The following GRM7 variants were observed in gnomAD, a reference collection of about 807,000 sequenced individuals.
GRM7 encodes the protein glutamate metabotropic receptor 7, also known as metabotropic glutamate receptor 7.
Under a neutral mutation model 84.5 loss-of-function variants are expected in GRM7, and 35 were observed. The ratio of observed to expected loss-of-function variants is 0.41; its 90% confidence interval spans 0.32 to 0.55. GRM7 has a LOEUF of 0.55. Ranked by LOEUF, GRM7 falls within the 20% of genes least tolerant of loss-of-function variation. GRM7 has a pLI of 0.19. For missense variants in GRM7, 1,003 were observed against 1,194.6 expected (o/e 0.84, Z 2.36); for synonymous variants, 487 against 455.1 (o/e 1.07, Z -0.89).
intron 1 of GRM7, among the ~76,000 whole-genome samples, chr3:7,139,907 A>T (rs1693893036): frequency 6.6e-6 from 1 of 152,056 alleles, no homozygotes; most frequent in Admixed American, 6.6e-5. Context: ...AATATTTGGA[A>T]ACCAGTATCT....
At chr3:7,559,763 C>T (rs1488518430) in intron 7 of GRM7, among the ~76,000 whole-genome samples, 1 of 152,126 alleles carries the variant, frequency 6.6e-6, no homozygotes, top group Non-Finnish European at 1.5e-5. Flanking sequence ...ATACCTCCGA[C>T]TGGGTGACTT....
chr3:7,538,480 A>T (rs988797344), intron 7 of GRM7, among the ~76,000 whole-genome samples: 1 of 152,214 alleles, frequency 6.6e-6, no homozygotes, highest in East Asian at 1.9e-4. Flanking sequence ...CCTGGGCTAC[A>T]AACAACCATA....
At chr3:6,887,633 C>T (rs954605557) in intron 1 of GRM7, among the ~76,000 whole-genome samples, 6 of 152,062 alleles carry the variant, frequency 3.9e-5, no homozygotes, top group South Asian at 2.1e-4. Context: ...TCTATCATTG[C>T]TGGACATTTG....
At chr3:7,622,895 T>C (rs1697427688) in intron 8 of GRM7, among the ~76,000 whole-genome samples, 2 of 152,148 alleles carry the variant, frequency 1.3e-5, no homozygotes, top group South Asian at 4.1e-4. Flanking sequence ...CACACCCTGC[T>C]GCCTATAAGT....
chr3:6,892,717 A>T (rs1452453545), intron 1 of GRM7: 2 of 152,036 alleles, frequency 1.3e-5, no homozygotes, highest in Non-Finnish European at 2.9e-5. Context: ...AATTACAGAC[A>T]CCTGAGGGGT....
chr3:7,598,994 CCTCTTGAAAGAG>C (rs1332839603), intron 8 of GRM7, among the ~76,000 whole-genome samples: 1 of 152,082 alleles, frequency 6.6e-6, no homozygotes, highest in Non-Finnish European at 1.5e-5. Flanking sequence ...TCCATAAATT[CCTCTTGAAAGAG>C]AATTTCTACT....
At chr3:7,289,455 C>G (rs1317964924) in intron 2 of GRM7, among the ~76,000 whole-genome samples, 1 of 152,124 alleles carries the variant, frequency 6.6e-6, no homozygotes, top group Non-Finnish European at 1.5e-5. Context: ...TGTGGTGATT[C>G]CTCAGGAATC....
intron 1 of GRM7, among the ~76,000 whole-genome samples, chr3:7,048,032 T>G (rs1465778324): frequency 6.6e-6 from 1 of 151,988 alleles, no homozygotes. Flanking sequence ...TAGTTAATAA[T>G]TCTTAGTCTC....
At chr3:7,596,458 G>A (rs1488204869) in intron 8 of GRM7, among the ~76,000 whole-genome samples, 3 of 152,040 alleles carry the variant, frequency 2.0e-5, no homozygotes, top group Non-Finnish European at 2.9e-5. Flanking sequence ...ATTGTAGATC[G>A]AAAAGTAAGA....
At chr3:7,026,148 C>T (rs1695974192) in intron 1 of GRM7, among the ~76,000 whole-genome samples, 1 of 152,178 alleles carries the variant, frequency 6.6e-6, no homozygotes, top group African/African-American at 2.4e-5. Context: ...TGGGACCTGA[C>T]ATAACCCAGT....
At chr3:7,441,918 T>G (rs965963686) in intron 5 of GRM7, among the ~76,000 whole-genome samples, 1 of 152,194 alleles carries the variant, frequency 6.6e-6, no homozygotes, top group Non-Finnish European at 1.5e-5. Flanking sequence ...ATATAATGCC[T>G]TCAGTTTTGT....
At chr3:7,121,488 T>A (rs1693218980) in intron 1 of GRM7, among the ~76,000 whole-genome samples, 1 of 152,200 alleles carries the variant, frequency 6.6e-6, no homozygotes, top group Admixed American at 6.5e-5. Flanking sequence ...TTATCTATGC[T>A]TCATTGAAAC....
intron 7 of GRM7, among the ~76,000 whole-genome samples, chr3:7,541,421 G>T (rs1163893631): frequency 6.6e-6 from 1 of 152,094 alleles, no homozygotes; most frequent in African/African-American, 2.4e-5. Flanking sequence ...AGTAATATTT[G>T]CAAGAATGGC....
chr3:7,045,999 A>G (rs1455933998), intron 1 of GRM7, among the ~76,000 whole-genome samples: 1 of 152,056 alleles, frequency 6.6e-6, no homozygotes, highest in East Asian at 1.9e-4. Flanking sequence ...TTTTATCTAC[A>G]GTGTACAAGG....
intron 1 of GRM7, among the ~76,000 whole-genome samples, chr3:7,047,339 G>C (rs1033718430): frequency 6.6e-6 from 1 of 151,982 alleles, no homozygotes; most frequent in Non-Finnish European, 1.5e-5. Context: ...TACTAGACTA[G>C]AATTGTTGTT....
intron 1 of GRM7, among the ~76,000 whole-genome samples, chr3:7,007,320 A>G (rs1177667306): frequency 2.0e-5 from 3 of 152,224 alleles, no homozygotes; most frequent in Non-Finnish European, 4.4e-5. Flanking sequence ...AACGGTTTCT[A>G]TAAAAGAGTG....
chr3:7,570,352 A>T (rs1468661213), intron 7 of GRM7, among the ~76,000 whole-genome samples: 1 of 152,202 alleles, frequency 6.6e-6, no homozygotes, highest in African/African-American at 2.4e-5. Flanking sequence ...ATGAGCCTGT[A>T]AAATAAAATA....
intron 7 of GRM7, among the ~76,000 whole-genome samples, chr3:7,485,027 T>G (rs1189828274): frequency 6.6e-6 from 1 of 152,162 alleles, no homozygotes; most frequent in African/African-American, 2.4e-5. Context: ...CTTATTCCAA[T>G]AGGCGTGGGA....
At chr3:6,913,638 A>G (rs1288056363) in intron 1 of GRM7, among the ~76,000 whole-genome samples, 1 of 152,106 alleles carries the variant, frequency 6.6e-6, no homozygotes, top group Non-Finnish European at 1.5e-5. Context: ...GTTATAATAA[A>G]CCTTTTGGTT....
Sources: gnomAD v4.1 joint callset for allele counts (sites outside exome capture counted in the v4.1 genomes callset) on GRCh38, gnomAD v4.1.1 for gene constraint, MANE v1.5 for transcripts, NCBI Gene and HGNC (gene_info 2026-07-23, HGNC 2026-07-21) for gene names.